DCAF13: variants seen among roughly 807,000 people sequenced by gnomAD.
DCAF13 encodes DDB1 and CUL4 associated factor 13, also known as DDB1- and CUL4-associated factor 13.
In DCAF13, 38 loss-of-function variants were observed where a neutral mutation model predicts 59.0. The ratio of observed to expected loss-of-function variants is 0.64; its 90% CI spans 0.50 to 0.84. The LOEUF (loss-of-function observed/expected upper bound fraction) is 0.84, where lower values mean the gene tolerates loss of function less well. DCAF13 is among the 40% of genes least tolerant of loss of function. DCAF13 has a pLI of 0.00. For synonymous variants in DCAF13, 173 were observed against 175.0 expected (o/e 0.99, Z 0.09); for missense variants, 469 against 558.4 (o/e 0.84, Z 1.61).
chr8:103,416,835 GA>G (rs2130468532), intron 1 of DCAF13, among the ~76,000 whole-genome samples: 1 of 152,250 alleles, frequency 6.6e-6, no homozygotes, highest in African/African-American at 2.4e-5. Flanking sequence ...TTGCCTACAT[GA>G]AGAGATTTAG....
intron 1 of DCAF13, among the ~76,000 whole-genome samples, chr8:103,418,340 G>A (rs1490174322): frequency 6.6e-6 from 1 of 151,404 alleles, no homozygotes; most frequent in African/African-American, 2.4e-5. Context: ...GCATCATAAG[G>A]AGACCCCCGT....
chr8:103,428,734 A>G (rs891929545), intron 5 of DCAF13: 4 of 152,106 alleles, frequency 2.6e-5, no homozygotes, highest in Admixed American at 2.6e-4. Flanking sequence ...AAAAACCTAA[A>G]CAGACACTGG....
In DCAF13 at chr8:103,415,387, T is replaced by A; in HGVS notation, c.-60T>A. 1 of 1,613,658 alleles carries A rather than the reference T, an allele frequency of 6.2e-7. No individual in the cohort carries two copies. Among genetic ancestry groups the A allele is most frequent in the Non-Finnish European group, 8.5e-7 (1 of 1,179,924 alleles). On this transcript the variant is annotated 5_prime_UTR_variant, in exon 1 of 11. Coordinates refer to ENST00000612750, the MANE Select transcript of DCAF13 (RefSeq NM_015420.7). ...AGCGGAAGTCGCCTGTGGGAGGAGG[T>A]GGCGGTGGGCGGAACTCCTAGCGGA...
rs144632227 is a variant in DCAF13 at position 103,435,668 on chromosome 8, G to C, written c.828G>C (p.Met276Ile). ...TGCGTGCACTGGACACTCCTGTAAT[G>C]GTCCATATGGATCATGTATCTGCAG... ...FDMRALDTPVMVHMDHVSAVL... is the reference protein window; with the variant it reads ...FDMRALDTPVIVHMDHVSAVL... The change falls in exon 8 of 11, where the codon ATG becomes ATC. Residue 276 changes from methionine (M) to isoleucine (I), a missense_variant. Transcript: ENST00000612750. 3 of 1,611,238 alleles carry C rather than the reference G, an allele frequency of 1.9e-6. No homozygotes were observed. The highest frequency in any genetic ancestry group is 2.5e-6 in the Non-Finnish European group (3 of 1,178,498).
chr8:103,415,444 G>C lies in DCAF13; in HGVS notation c.-3G>C, dbSNP rs777763426. On this transcript the variant is annotated 5_prime_UTR_variant, in exon 1 of 11. Transcript: ENST00000612750. ...GTGGAGTCCGGCCGGAAGAGCAACC[G>C]AGATGAAGGTGAAGATGCTGAGCCG... is the stretch of plus-strand genomic sequence containing the variant. The C allele has an allele frequency of 6.2e-7, 1 of 1,614,144 alleles. No individual in the cohort carries two copies.
At chr8:103,417,150 A>T (rs753853274) in intron 1 of DCAF13, among the ~76,000 whole-genome samples, 5 of 152,222 alleles carry the variant, frequency 3.3e-5, no homozygotes, top group Admixed American at 3.3e-4. Context: ...GATTGAAATC[A>T]CATCTGTTAA....
chr8:103,441,517 T>G lies in DCAF13; in HGVS notation c.1149T>G (p.His383Gln). The change falls in exon 10 of 11, where the codon CAT becomes CAG. Residue 383 changes from histidine (H) to glutamine (Q), a missense_variant. His to Gln is a conservative substitution (Grantham distance 24). Transcript: ENST00000612750. ...AGAAATTGAAGGAGAAATTTCAGCA[T>G]TATCCTCATATAAAACGTATAGCTC... Reference protein sequence around the residue: ...YNQKLKEKFQHYPHIKRIARH... With the variant: ...YNQKLKEKFQQYPHIKRIARH... The G allele has an allele frequency of 6.2e-7, 1 of 1,606,450 alleles. No homozygotes were observed.
In DCAF13 at chr8:103,431,797, T is replaced by A. The variant is rs150932235; in HGVS notation, c.703-862T>A. 5.6e-3 allele frequency among the ~76,000 whole-genome samples: 851 copies of A among 152,242 alleles called. 14 individuals carry two copies. The highest frequency in any genetic ancestry group is 0.016 in the African/African-American group (655 of 41,538). ...CCTAACACTCATTCTGTTTTTTTTT[T>A]AATTTAGTTTATTTTTCATTGTTAT... On this transcript the variant is annotated intron_variant, in intron 6 of 10. Coordinates refer to ENST00000612750, the MANE Select transcript of DCAF13 (RefSeq NM_015420.7).
At position 103,421,918 on chromosome 8, in the gene DCAF13, C is replaced by T. The variant is rs1432998967; in HGVS notation, c.378+836C>T. ...TTTTGGCTATTGTGAATAGTGTTGC[C>T]GTGACCATTGGTGTACAAATACCAA... On this transcript the variant is annotated intron_variant, in intron 3 of 10. Coordinates refer to ENST00000612750, the MANE Select transcript of DCAF13 (RefSeq NM_015420.7). Among the ~76,000 whole-genome samples the T allele has an allele frequency of 2.0e-5, 3 of 152,096 alleles. No homozygotes were observed. The South Asian group carries it at 6.2e-4, about 32-fold the overall frequency.
At chr8:103,439,955 C>T (rs1816985543) in intron 8 of DCAF13, 181 bp from the exon 9 acceptor site, 4 of 390,402 alleles carry the variant, frequency 1.0e-5, no homozygotes. Flanking sequence ...TTGTTTACTA[C>T]CCCAGCACTT....
chr8:103,418,864 ATATT>A lies in DCAF13; in HGVS notation c.71-1398_71-1395del, dbSNP rs1375941847. ...TATATATATATATATATATATATATATATTTTTTTTTTTTTTTTTTTTTTTTTTT... is the reference window on the plus strand; with the variant it reads ...TATATATATATATATATATATATATATTTTTTTTTTTTTTTTTTTTTTTTT... On this transcript the variant is annotated intron_variant, in intron 1 of 10. Transcript: ENST00000612750. 6.5e-3 allele frequency among the ~76,000 whole-genome samples: 183 copies of A among 27,948 alleles called. 3 individuals are homozygous for A. The East Asian group carries it at 0.069, about 11-fold the overall frequency. The allele number at this position is 27,948 out of a possible 152,430, so 18.3% of individuals were successfully genotyped here. A position where few individuals can be genotyped will look rare whatever the true frequency, so the allele number is the denominator to read the frequency against.
chr8:103,420,964 C>T lies in DCAF13; in HGVS notation c.271-11C>T, dbSNP rs752299153. 6.5e-7 allele frequency: 1 copy of T among 1,528,854 alleles called. No homozygotes were observed. Among genetic ancestry groups the T allele is most frequent in the Non-Finnish European group, 9.1e-7 (1 of 1,102,850 alleles). 94.7% of individuals were successfully genotyped at this position (1,528,854 alleles called of 1,614,324 possible). A position where few individuals can be genotyped will look rare whatever the true frequency, so the allele number is the denominator to read the frequency against. ...TAGTTCACTGAAATTTCCTGGTATG[C>T]CTTATCATAGGTTAGAATTTGGAAT... On this transcript the variant is annotated splice_polypyrimidine_tract_variant and intron_variant, in intron 2 of 10. Coordinates refer to ENST00000612750, the MANE Select transcript of DCAF13 (RefSeq NM_015420.7).
At chr8:103,425,541 C>T (rs541874650) in intron 3 of DCAF13, among the ~76,000 whole-genome samples, 27 of 152,108 alleles carry the variant, frequency 1.8e-4, no homozygotes, top group Non-Finnish European at 3.8e-4. Flanking sequence ...CCAAAGTTCA[C>T]AGTTTGAAAA....
At position 103,421,089 on chromosome 8, in the gene DCAF13, A is replaced by G; in HGVS notation, c.378+7A>G. 3 of 1,531,576 alleles carry G rather than the reference A, an allele frequency of 2.0e-6. No individual in the cohort carries two copies. Among genetic ancestry groups the G allele is most frequent in the Non-Finnish European group, 2.7e-6 (3 of 1,104,890 alleles). 94.9% of individuals were successfully genotyped at this position (1,531,576 alleles called of 1,614,324 possible). A position where few individuals can be genotyped will look rare whatever the true frequency, so the allele number is the denominator to read the frequency against. On this transcript the variant is annotated splice_region_variant and intron_variant, in intron 3 of 10. Coordinates refer to ENST00000612750, the MANE Select transcript of DCAF13 (RefSeq NM_015420.7). ...TGGGACTTCTTTTTTCACTGTAAGT[A>G]TAATACCATTAAGTCATTAAATTTG...
rs990248518 is a variant in DCAF13 at position 103,440,089 on chromosome 8, A to G, written c.951-47A>G. The G allele has an allele frequency of 3.2e-6, 4 of 1,252,106 alleles. No individual in the cohort carries two copies. The African/African-American group carries it at 6.7e-5, about 21-fold the overall frequency. 77.6% of individuals were successfully genotyped at this position (1,252,106 alleles called of 1,614,324 possible). On this transcript the variant is annotated intron_variant, in intron 8 of 10. Transcript: ENST00000612750. ...ACTTAATAGGCAGTGGTTACTCAAA[A>G]TCTGTACCAAAATCCAAAGGGTTTT...
intron 1 of DCAF13, among the ~76,000 whole-genome samples, chr8:103,419,184 C>T (rs145866099): frequency 1.0e-3 from 159 of 151,886 alleles, no homozygotes; most frequent in African/African-American, 3.5e-3. Flanking sequence ...ACGCCCGGCC[C>T]TAAGCGTGAT....
intron 1 of DCAF13, among the ~76,000 whole-genome samples, chr8:103,416,052 G>A (rs1164416460): frequency 1.3e-5 from 2 of 152,210 alleles, no homozygotes; most frequent in Non-Finnish European, 2.9e-5. Context: ...CCGTTAACAT[G>A]CTAACCACTT....
At chr8:103,425,016 C>G (rs1268769595) in intron 3 of DCAF13, among the ~76,000 whole-genome samples, 1 of 152,168 alleles carries the variant, frequency 6.6e-6, no homozygotes, top group Non-Finnish European at 1.5e-5. Flanking sequence ...AAAACCTTTC[C>G]TGATCACTTA....
Position 103,420,070 on chromosome 8 carries a change from ATG to A in DCAF13, c.71-192_71-191del, listed in dbSNP as rs562537384. Among the ~76,000 whole-genome samples, 18 of 152,026 alleles carry A rather than the reference ATG, an allele frequency of 1.2e-4. No individual in the cohort carries two copies. In the South Asian group the frequency reaches 3.7e-3, roughly 32 times the overall value. The stretch of plus-strand genomic sequence containing the variant: ...ACCTAGGGTCTAATTGTTTTGCAAG[ATG>A]TATGCATCCCATGATTTTCCAGTAA... On this transcript the variant is annotated intron_variant, in intron 1 of 10. Coordinates refer to ENST00000612750, the MANE Select transcript of DCAF13 (RefSeq NM_015420.7).
Sources: allele counts gnomAD v4.1 joint callset (sites outside exome capture counted in the v4.1 genomes callset), GRCh38; gene constraint gnomAD v4.1.1; transcripts MANE v1.5; gene names NCBI Gene and HGNC (gene_info 2026-07-23, HGNC 2026-07-21).